Variants in AGBL1 observed in about 807,000 individuals in gnomAD.
The protein encoded by AGBL1 is AGBL carboxypeptidase 1, also known as cytosolic carboxypeptidase 4.
Under a neutral mutation model 118.9 loss-of-function variants are expected in AGBL1, and 130 were observed. That is an observed-to-expected ratio of 1.09 (90% CI 0.95 to 1.26). The LOEUF (loss-of-function observed/expected upper bound fraction) is 1.26, where lower values mean the gene tolerates loss of function less well. AGBL1 is among the 50% of genes most tolerant of loss of function. AGBL1 has a pLI of 0.00. For synonymous variants in AGBL1, 555 were observed against 478.9 expected (o/e 1.16, Z -2.08); for missense variants, 1,584 against 1,298.1 (o/e 1.22, Z -3.38).
chr15:86,090,973 C>T (rs948912805), intron 1 of AGBL1, among the ~76,000 whole-genome samples: 4 of 152,122 alleles, frequency 2.6e-5, no homozygotes, highest in Admixed American at 2.6e-4. Flanking sequence ...GCAATGATAA[C>T]ATTTGAAAGT....
chr15:86,965,053 C>T (rs2081035547), intron 23 of AGBL1, among the ~76,000 whole-genome samples: 1 of 152,012 alleles, frequency 6.6e-6, no homozygotes, highest in South Asian at 2.1e-4. Context: ...TGGGTTGTTT[C>T]CAAGTCTTTG....
At chr15:86,968,512 C>T (rs2081076274) in intron 23 of AGBL1, among the ~76,000 whole-genome samples, 1 of 151,884 alleles carries the variant, frequency 6.6e-6, no homozygotes, top group Non-Finnish European at 1.5e-5. Context: ...AATGCTCTTT[C>T]AAAGTTTTCT....
intron 22 of AGBL1, among the ~76,000 whole-genome samples, chr15:86,680,992 G>A (rs755477925): frequency 6.6e-6 from 1 of 151,948 alleles, no homozygotes; most frequent in Non-Finnish European, 1.5e-5. Flanking sequence ...TCTTGTGTGT[G>A]TGGTTTAGTT....
intron 22 of AGBL1, among the ~76,000 whole-genome samples, chr15:86,885,642 A>T (rs1052119006): frequency 2.0e-5 from 3 of 152,168 alleles, no homozygotes; most frequent in Non-Finnish European, 2.9e-5. Context: ...GTCAGGAAAA[A>T]TGTATGTGAA....
intron 1 of AGBL1, among the ~76,000 whole-genome samples, chr15:86,098,254 A>C (rs1432843893): frequency 6.6e-6 from 1 of 152,074 alleles, no homozygotes; most frequent in Non-Finnish European, 1.5e-5. Context: ...TCTCCTGATT[A>C]ACAAGTTATC....
chr15:86,734,162 G>C (rs988392215), intron 22 of AGBL1, among the ~76,000 whole-genome samples: 1 of 152,110 alleles, frequency 6.6e-6, no homozygotes, highest in African/African-American at 2.4e-5. Context: ...TATCTGTTTT[G>C]ACCCAAGGCA....
At chr15:86,094,435 T>A (rs1257582105) in intron 1 of AGBL1, among the ~76,000 whole-genome samples, 1 of 152,154 alleles carries the variant, frequency 6.6e-6, no homozygotes, top group African/African-American at 2.4e-5. Context: ...AGAAAAATGA[T>A]GTTTTGTAGC....
chr15:86,594,633 A>T (rs2084382201), intron 21 of AGBL1, among the ~76,000 whole-genome samples: 1 of 152,198 alleles, frequency 6.6e-6, no homozygotes, highest in Admixed American at 6.5e-5. Flanking sequence ...AATTTATTTC[A>T]ATGTTAAAAT....
At chr15:86,142,195 T>C in intron 2 of AGBL1, 128 bp downstream of exon 2, 1 of 861,726 alleles carries the variant, frequency 1.2e-6, no homozygotes, top group Admixed American at 2.5e-5. Flanking sequence ...GCAGCATCAC[T>C]AGCCCATCTT....
intron 22 of AGBL1, among the ~76,000 whole-genome samples, chr15:86,870,822 T>C (rs1000261337): frequency 6.6e-6 from 1 of 152,246 alleles, no homozygotes; most frequent in South Asian, 2.1e-4. Flanking sequence ...GAGATTACTA[T>C]TTCATCAAAG....
At chr15:86,355,573 G>A (rs1258024400) in intron 17 of AGBL1, among the ~76,000 whole-genome samples, 1 of 152,148 alleles carries the variant, frequency 6.6e-6, no homozygotes, top group African/African-American at 2.4e-5. Flanking sequence ...TGCCAAACTT[G>A]ACAAATCTTC....
intron 17 of AGBL1, among the ~76,000 whole-genome samples, chr15:86,378,839 G>A (rs550276180): frequency 7.9e-5 from 12 of 152,166 alleles, no homozygotes; most frequent in Middle Eastern, 3.4e-3. Context: ...TCACCTGGAC[G>A]CTTGCTTTCA....
At chr15:86,652,890 A>G (rs544091757) in intron 21 of AGBL1, among the ~76,000 whole-genome samples, 1 of 152,242 alleles carries the variant, frequency 6.6e-6, no homozygotes, top group East Asian at 1.9e-4. Flanking sequence ...TGTCCTAACT[A>G]GGTACGGATG....
intron 1 of AGBL1, among the ~76,000 whole-genome samples, chr15:86,141,597 G>C (rs1012111925): frequency 6.6e-6 from 1 of 152,172 alleles, no homozygotes; most frequent in Non-Finnish European, 1.5e-5. Context: ...GTTGCAGTGA[G>C]TGGAGATCGC....
chr15:86,534,273 G>A (rs1300710357), intron 19 of AGBL1, among the ~76,000 whole-genome samples: 1 of 152,034 alleles, frequency 6.6e-6, no homozygotes, highest in Admixed American at 6.6e-5. Flanking sequence ...ATAGATGAAG[G>A]GTTGAGTCAT....
intron 18 of AGBL1, among the ~76,000 whole-genome samples, chr15:86,456,789 T>C (rs2082264900): frequency 6.6e-6 from 1 of 152,216 alleles, no homozygotes; most frequent in African/African-American, 2.4e-5. Context: ...ATTTTTTTAA[T>C]GAAATGTCAG....
intron 18 of AGBL1, among the ~76,000 whole-genome samples, chr15:86,459,819 C>G (rs1277784431): frequency 6.6e-6 from 1 of 152,126 alleles, no homozygotes; most frequent in Non-Finnish European, 1.5e-5. Context: ...CAGGCAGGCA[C>G]AGTTGCCATT....
intron 21 of AGBL1, among the ~76,000 whole-genome samples, chr15:86,624,227 G>A (rs536262269): frequency 1.0e-3 from 156 of 152,174 alleles, no homozygotes; most frequent in Non-Finnish European, 1.8e-3. Flanking sequence ...TAATATTCTA[G>A]TTCTCATTAT....
intron 23 of AGBL1, among the ~76,000 whole-genome samples, chr15:86,934,194 A>ACCCC (rs1474210484): frequency 7.2e-5 from 11 of 152,324 alleles, no homozygotes; most frequent in Non-Finnish European, 1.3e-4. Context: ...GGAGTAAGTG[A>ACCCC]ATTCACCTCT....
Sources: gnomAD v4.1 joint callset for allele counts (sites outside exome capture counted in the v4.1 genomes callset) on GRCh38, gnomAD v4.1.1 for gene constraint, MANE v1.5 for transcripts, NCBI Gene and HGNC (gene_info 2026-07-23, HGNC 2026-07-21) for gene names.